FER: variants seen among roughly 807,000 people sequenced by gnomAD.
The protein encoded by FER is tyrosine-protein kinase Fer.
FER carries 63 observed loss-of-function variants against 111.0 expected under a neutral mutation model. The observed-to-expected ratio is 0.57, with a 90% CI of 0.46 to 0.70. FER has a LOEUF of 0.70. Ranked by LOEUF, FER falls within the 30% of genes least tolerant of loss-of-function variation. The probability of loss-of-function intolerance (pLI) is 0.00; values close to 1 mark genes in which losing one functional copy is unlikely to be tolerated. For synonymous variants in FER, 327 were observed against 313.9 expected (o/e 1.04, Z -0.44); for missense variants, 914 against 954.0 (o/e 0.96, Z 0.55).
chr5:109,072,988 A>T (rs1471601450), intron 16 of FER, among the ~76,000 whole-genome samples: 3 of 152,042 alleles, frequency 2.0e-5, no homozygotes, highest in African/African-American at 7.2e-5. Flanking sequence ...TCGTGTCTCT[A>T]TATTCAAATC....
intron 17 of FER, among the ~76,000 whole-genome samples, chr5:109,117,139 T>G (rs1161551951): frequency 1.3e-5 from 2 of 152,180 alleles, no homozygotes; most frequent in Non-Finnish European, 2.9e-5. Context: ...ATACTTAAAA[T>G]GTTACAATTC....
At chr5:109,159,270 C>T (rs560782300) in intron 17 of FER, among the ~76,000 whole-genome samples, 50 of 152,266 alleles carry the variant, frequency 3.3e-4, no homozygotes, top group Admixed American at 1.1e-3. Context: ...TTCTTTCAAG[C>T]GGCTCAACTT....
At chr5:108,752,150 G>A (rs1437066515) in intron 1 of FER, among the ~76,000 whole-genome samples, 3 of 152,094 alleles carry the variant, frequency 2.0e-5, no homozygotes, top group Non-Finnish European at 4.4e-5. Flanking sequence ...AACTTTAGTT[G>A]TAGATTCAGT....
intron 13 of FER, among the ~76,000 whole-genome samples, chr5:109,002,165 G>C (rs1465125377): frequency 1.3e-5 from 2 of 151,174 alleles, no homozygotes; most frequent in Admixed American, 1.3e-4. Context: ...GCATTGCCAA[G>C]TCACTCCTAA....
intron 10 of FER, among the ~76,000 whole-genome samples, chr5:108,938,226 A>C (rs1386346089): frequency 6.6e-6 from 1 of 151,908 alleles, no homozygotes; most frequent in Non-Finnish European, 1.5e-5. Context: ...CTAAGATGGG[A>C]GTTATCTGCC....
chr5:109,124,226 C>G (rs1362210042), intron 17 of FER, among the ~76,000 whole-genome samples: 1 of 152,132 alleles, frequency 6.6e-6, no homozygotes, highest in Non-Finnish European at 1.5e-5. Flanking sequence ...GACCCTGTCT[C>G]AAAAAAGACA....
chr5:108,857,073 G>A (rs1488383922), intron 5 of FER, among the ~76,000 whole-genome samples: 1 of 151,912 alleles, frequency 6.6e-6, no homozygotes, highest in Non-Finnish European at 1.5e-5. Context: ...CCCATATACC[G>A]TTCACTCATG....
chr5:109,084,833 C>T (rs1254603773), intron 16 of FER, among the ~76,000 whole-genome samples: 1 of 151,898 alleles, frequency 6.6e-6, no homozygotes, highest in Non-Finnish European at 1.5e-5. Flanking sequence ...GTTCTTTCAA[C>T]TATCAATTCT....
intron 13 of FER, among the ~76,000 whole-genome samples, chr5:109,023,118 T>C (rs1581691238): frequency 6.6e-6 from 1 of 152,164 alleles, no homozygotes; most frequent in African/African-American, 2.4e-5. Context: ...AAATGATGTT[T>C]GCTTGGTCTT....
Position 109,172,570 on chromosome 5 carries a change from C to T in FER, c.2049-8177C>T, listed in dbSNP as rs1055673465. Among the ~76,000 whole-genome samples, 1,157 of 150,314 alleles carry T rather than the reference C, an allele frequency of 7.7e-3. 12 individuals carry two copies. The highest frequency in any genetic ancestry group is 0.027 in the African/African-American group (1,121 of 40,808). ...TACTGGGTGCAGCACACCAGCATGG[C>T]ACATGTATACATATGTAACTAACCT... On this transcript the variant is annotated intron_variant, in intron 17 of 19. Coordinates refer to ENST00000281092, the MANE Select transcript of FER (RefSeq NM_005246.4).
At chr5:108,998,789 G>A (rs940978590) in intron 13 of FER, among the ~76,000 whole-genome samples, 6 of 152,168 alleles carry the variant, frequency 3.9e-5, no homozygotes, top group Admixed American at 3.3e-4. Flanking sequence ...AACCAGCCTT[G>A]CATCACAGGG....
At chr5:108,999,150 G>A (rs933180560) in intron 13 of FER, among the ~76,000 whole-genome samples, 4 of 152,032 alleles carry the variant, frequency 2.6e-5, no homozygotes, top group Admixed American at 2.6e-4. Context: ...TTTCCAGTTA[G>A]TGTTATCTAT....
At position 108,820,076 on chromosome 5, in the gene FER, A is replaced by C. The variant is rs370733471; in HGVS notation, c.208-12694A>C. On this transcript the variant is annotated intron_variant, in intron 3 of 19. Coordinates refer to ENST00000281092, the MANE Select transcript of FER (RefSeq NM_005246.4). ...AGTGGAGAGCAGGAATATAAAAAAA[A>C]GAAGCTAAAGAAGAGATAAAAATCT... 3 of 985,052 alleles carry C rather than the reference A, an allele frequency of 3.0e-6. No homozygotes were observed. The African/African-American group carries it at 5.2e-5, about 17-fold the overall frequency. 61.0% of individuals were successfully genotyped at this position (985,052 alleles called of 1,614,324 possible). A position where few individuals can be genotyped will look rare whatever the true frequency, so the allele number is the denominator to read the frequency against.
chr5:108,763,144 G>A (rs1315801635), intron 1 of FER, among the ~76,000 whole-genome samples: 4 of 151,656 alleles, frequency 2.6e-5, no homozygotes, highest in Non-Finnish European at 4.4e-5. Flanking sequence ...TTTGTTGAAC[G>A]AATTAATAAA....
intron 1 of FER, among the ~76,000 whole-genome samples, chr5:108,756,105 G>T (rs1751070957): frequency 6.9e-6 from 1 of 145,512 alleles, no homozygotes; most frequent in Non-Finnish European, 1.5e-5. Flanking sequence ...GGTGAGCCGA[G>T]ACCATGCCAT....
chr5:109,066,776 A>G (rs1775140010), intron 16 of FER, among the ~76,000 whole-genome samples: 1 of 152,224 alleles, frequency 6.6e-6, no homozygotes, highest in African/African-American at 2.4e-5. Context: ...GCTTTGTTCC[A>G]TACAAAATAC....
At chr5:109,180,467 CT>C (rs1758173658) in intron 17 of FER, among the ~76,000 whole-genome samples, 1 of 152,122 alleles carries the variant, frequency 6.6e-6, no homozygotes, top group Non-Finnish European at 1.5e-5. Context: ...AGCCTCTTCT[CT>C]GTAATTTTCT....
At chr5:108,804,482 C>T (rs1181772675) in intron 3 of FER, among the ~76,000 whole-genome samples, 1 of 152,064 alleles carries the variant, frequency 6.6e-6, no homozygotes, top group Non-Finnish European at 1.5e-5. Flanking sequence ...ATAGATGGCT[C>T]TTACTGTTTT....
At chr5:109,179,068 C>CTT (rs754006102) in intron 17 of FER, among the ~76,000 whole-genome samples, 2 of 152,132 alleles carry the variant, frequency 1.3e-5, no homozygotes, top group Non-Finnish European at 2.9e-5. Context: ...TACAAGAATA[C>CTT]TTTGTGTATT....
Sources: allele counts gnomAD v4.1 joint callset (sites outside exome capture counted in the v4.1 genomes callset), GRCh38; gene constraint gnomAD v4.1.1; transcripts MANE v1.5; gene names NCBI Gene and HGNC (gene_info 2026-07-23, HGNC 2026-07-21).